The following RBCK1 variants were observed in gnomAD, a reference collection of about 807,000 sequenced individuals.
RBCK1 encodes ranBP-type and C3HC4-type zinc finger-containing protein 1.
Under a neutral mutation model 71.1 loss-of-function variants are expected in RBCK1, and 44 were observed. The observed-to-expected ratio is 0.62, with a 90% CI of 0.49 to 0.80. RBCK1 has a LOEUF of 0.80. RBCK1 is among the 30% of genes least tolerant of loss of function. The pLI is 0.00. For missense variants in RBCK1, 569 were observed against 685.0 expected, an observed-to-expected ratio of 0.83 and a Z score of 1.89; for synonymous variants, 306 against 279.7, an observed-to-expected ratio of 1.09 and a Z score of -0.94.
intron 8 of RBCK1, among the ~76,000 whole-genome samples, chr20:424,796 G>T (rs892622025): frequency 9.2e-5 from 14 of 152,222 alleles, no homozygotes; most frequent in African/African-American, 3.4e-4. Context: ...GAGCCCACTG[G>T]AGTTGATGTG....
At chr20:418,447 C>T (rs1021504624) in intron 4 of RBCK1, among the ~76,000 whole-genome samples, 2 of 152,270 alleles carry the variant, frequency 1.3e-5, no homozygotes, top group African/African-American at 2.4e-5. Context: ...CGGCTCACTG[C>T]AAGCTCCGAC....
intron 2 of RBCK1, among the ~76,000 whole-genome samples, chr20:414,302 T>C (rs564965259): frequency 4.8e-4 from 73 of 152,182 alleles, no homozygotes; most frequent in African/African-American, 1.8e-3. Flanking sequence ...GTCCCAGCTA[T>C]TTGAGAGGCT....
intron 6 of RBCK1, chr20:420,409 C>T (rs942195487): frequency 2.0e-6 from 2 of 984,816 alleles, no homozygotes; most frequent in African/African-American, 3.5e-5. Context: ...CTGGCCACCC[C>T]ACTCCTGTTC....
chr20:418,664 A>G (rs182893185), intron 4 of RBCK1, among the ~76,000 whole-genome samples: 16 of 152,348 alleles, frequency 1.1e-4, no homozygotes, highest in East Asian at 9.6e-4. Flanking sequence ...CACCACGCCC[A>G]ACCCACATTT....
In RBCK1 at chr20:419,918, G is replaced by A. The variant is rs1477923149; in HGVS notation, c.756+187G>A. 7 of 1,420,990 alleles carry A rather than the reference G, an allele frequency of 4.9e-6. No homozygotes were observed. In the Admixed American group the frequency reaches 2.1e-4, roughly 42 times the overall value. 88.0% of individuals were successfully genotyped at this position (1,420,990 alleles called of 1,614,324 possible). A position where few individuals can be genotyped will look rare whatever the true frequency, so the allele number is the denominator to read the frequency against. On this transcript the variant is annotated intron_variant, in intron 6 of 11. Transcript: ENST00000356286. ...GGCTGTGACCTGCCCTCTCTCAAAG[G>A]TCACCCTGTGGCTGAGACCCGCTCC...
At chr20:411,492 C>A (rs932663908) in intron 2 of RBCK1, among the ~76,000 whole-genome samples, 2 of 152,174 alleles carry the variant, frequency 1.3e-5, no homozygotes, top group African/African-American at 4.8e-5. Flanking sequence ...CTCAGCTTCC[C>A]GAGTAGCTGG....
In RBCK1 at chr20:431,363, T is replaced by C. The variant is rs553134392; in HGVS notation, c.*933T>C. On this transcript the variant is annotated 3_prime_UTR_variant, in exon 12 of 12. Coordinates refer to ENST00000356286, the MANE Select transcript of RBCK1 (RefSeq NM_031229.4). The surrounding 1 kb of genome is among the most constrained non-coding windows in gnomAD (Gnocchi z 4.8). ...TTGAGGGGTGGGGTTGTCCATCCTA[T>C]TTTCTCGTCTCAAGCAAGATGGCAC... 9.2e-5 allele frequency among the ~76,000 whole-genome samples: 14 copies of C among 152,240 alleles called. No homozygotes were observed. The highest frequency in any genetic ancestry group is 3.4e-4 in the African/African-American group (14 of 41,544).
chr20:424,918 C>A (rs943059427), intron 8 of RBCK1, among the ~76,000 whole-genome samples: 1 of 152,156 alleles, frequency 6.6e-6, no homozygotes, highest in Non-Finnish European at 1.5e-5. Flanking sequence ...CACATAGAAC[C>A]AGAGCAGAAA....
In RBCK1 at chr20:430,766, C is replaced by G. The variant is rs200101786; in HGVS notation, c.*336C>G. 1.7e-5 allele frequency: 5 copies of G among 288,718 alleles called. No homozygotes were observed. The Admixed American group carries it at 2.4e-4, about 14-fold the overall frequency. The allele number at this position is 288,718 out of a possible 1,614,324, so 17.9% of individuals were successfully genotyped here. The stretch of plus-strand genomic sequence containing the variant: ...AAACACCAAGCACTCTCAGCCTCCC[C>G]GCCTTCAGCTGTCAGCTTTCTGGGG... On this transcript the variant is annotated 3_prime_UTR_variant, in exon 12 of 12. Coordinates refer to ENST00000356286, the MANE Select transcript of RBCK1 (RefSeq NM_031229.4). The surrounding 1 kb of genome is among the most constrained non-coding windows in gnomAD (Gnocchi z 5.6).
intron 6 of RBCK1, 119 bp downstream of exon 6, chr20:419,850 T>C (rs1047854111): frequency 2.1e-6 from 3 of 1,444,984 alleles, no homozygotes; most frequent in African/African-American, 1.4e-5. Context: ...CTCCCAACCA[T>C]GCTGCTGGCA....
At chr20:424,337 G>A (rs780216221) in intron 8 of RBCK1, among the ~76,000 whole-genome samples, 3 of 152,194 alleles carry the variant, frequency 2.0e-5, no homozygotes, top group Non-Finnish European at 4.4e-5. Flanking sequence ...GACCTTCCCA[G>A]ACTTGGGCAC....
At chr20:423,742 A>G (rs2016561722) in intron 8 of RBCK1, among the ~76,000 whole-genome samples, 1 of 152,204 alleles carries the variant, frequency 6.6e-6, no homozygotes, top group Admixed American at 6.5e-5. Flanking sequence ...AGGGATGACT[A>G]TAATTTGGGC....
chr20:414,536 G>A (rs143715500), intron 2 of RBCK1, among the ~76,000 whole-genome samples: 4 of 152,304 alleles, frequency 2.6e-5, no homozygotes, highest in Middle Eastern at 3.4e-3. Flanking sequence ...GTTCACCAGC[G>A]ATCCTGATGT....
In RBCK1 at chr20:428,354, T is replaced by A. The variant is rs1422143224; in HGVS notation, c.1210-137T>A. On this transcript the variant is annotated intron_variant, in intron 9 of 11. Transcript: ENST00000356286. The surrounding 1 kb of genome is among the most constrained non-coding windows in gnomAD (Gnocchi z 5.7). Reference sequence around the variant, plus strand: ...CCTCTTCTGTAAAATGGCTTATGCATTACAAAGTGAGGTCCTGCCAGTGAC... The same window carrying A: ...CCTCTTCTGTAAAATGGCTTATGCAATACAAAGTGAGGTCCTGCCAGTGAC... 3.5e-5 allele frequency: 20 copies of A among 574,022 alleles called. No individual in the cohort carries two copies. The highest frequency in any genetic ancestry group is 2.2e-5 in the Non-Finnish European group (7 of 323,646). 35.6% of individuals were successfully genotyped at this position (574,022 alleles called of 1,614,324 possible).
Position 428,608 on chromosome 20 carries a change from CG to C in RBCK1, c.1308+20del. 1 of 1,593,210 alleles carries C rather than the reference CG, an allele frequency of 6.3e-7. No homozygotes were observed. Among genetic ancestry groups the C allele is most frequent in the Non-Finnish European group, 8.5e-7 (1 of 1,170,346 alleles). On this transcript the variant is annotated intron_variant, in intron 10 of 11. Coordinates refer to ENST00000356286, the MANE Select transcript of RBCK1 (RefSeq NM_031229.4). This position sits in a 1 kb window ranked among gnomAD's most constrained non-coding sequence, Gnocchi z 5.7. The stretch of plus-strand genomic sequence containing the variant: ...GCTGAAGGTGAGGCTGGGACAGGGC[CG>C]AGGCCTAGGGATTTTAAGTTCTGGG...
chr20:418,516 C>G (rs1011364714), intron 4 of RBCK1, among the ~76,000 whole-genome samples: 109 of 152,144 alleles, frequency 7.2e-4, no homozygotes, highest in South Asian at 2.1e-4. Flanking sequence ...CTACAGGCGC[C>G]CGCCACCACG....
chr20:424,131 G>A (rs572110482), intron 8 of RBCK1, among the ~76,000 whole-genome samples: 16 of 152,342 alleles, frequency 1.1e-4, no homozygotes, highest in South Asian at 2.1e-4. Context: ...TCACCACTCC[G>A]CCAGTCTGTC....
chr20:419,644 C>T lies in RBCK1; in HGVS notation c.669C>T (p.Ala223=). ...CEMCCRARPE[A]YQVPASYQPD... is the part of the protein sequence containing the mutation. Reference sequence around the variant, plus strand: ...TGTGCTGCCGGGCGCGCCCCGAGGCCTACCAGGTCCCCGCCTCATACCAGC... The same window carrying T: ...TGTGCTGCCGGGCGCGCCCCGAGGCTTACCAGGTCCCCGCCTCATACCAGC... The change falls in exon 6 of 12, where the codon GCC becomes GCT. Residue 223 remains alanine, a synonymous_variant. Coordinates refer to ENST00000356286, the MANE Select transcript of RBCK1 (RefSeq NM_031229.4). The T allele has an allele frequency of 6.3e-7, 1 of 1,587,018 alleles. No homozygotes were observed. Among genetic ancestry groups the T allele is most frequent in the South Asian group, 1.1e-5 (1 of 88,036 alleles).
At chr20:412,074 G>A (rs2015742177) in intron 2 of RBCK1, among the ~76,000 whole-genome samples, 1 of 152,148 alleles carries the variant, frequency 6.6e-6, no homozygotes, top group African/African-American at 2.4e-5. Flanking sequence ...TTCCAAAGTG[G>A]CTGCACCATT....
Sources: gnomAD v4.1 joint callset for allele counts (sites outside exome capture counted in the v4.1 genomes callset) on GRCh38, gnomAD v4.1.1 for gene constraint, Gnocchi (gnomAD v3.1) non-coding constraint, MANE v1.5 for transcripts, NCBI Gene and HGNC (gene_info 2026-07-23, HGNC 2026-07-21) for gene names.